Variants in FREM2 observed in about 807,000 individuals in gnomAD.
The protein encoded by FREM2 is FRAS1 related extracellular matrix 2.
FREM2 carries 119 observed loss-of-function variants against 219.9 expected under a neutral mutation model. The observed-to-expected ratio is 0.54, with a 90% CI of 0.47 to 0.63. The LOEUF is 0.63. Ranked by LOEUF, FREM2 falls within the 30% of genes least tolerant of loss-of-function variation. The pLI, the probability that FREM2 is intolerant of heterozygous loss-of-function variation, is 0.00. For missense variants in FREM2, 4,030 were observed against 3,993.6 expected, an observed-to-expected ratio of 1.01 and a Z score of -0.25; for synonymous variants, 1,562 against 1,522.8, an observed-to-expected ratio of 1.03 and a Z score of -0.60.
chr13:38,878,017 T>C, intron 21 of FREM2, 117 bp from the exon 22 acceptor site: 1 of 879,270 alleles, frequency 1.1e-6, no homozygotes. Flanking sequence ...CATTTGATAG[T>C]AGATGAGGGT....
At chr13:38,866,599 G>A (rs532687711) in intron 16 of FREM2, among the ~76,000 whole-genome samples, 6 of 151,408 alleles carry the variant, frequency 4.0e-5, no homozygotes, top group Admixed American at 6.6e-5. Flanking sequence ...ACTGGGAGGC[G>A]GAGGTTGTGG....
intron 7 of FREM2, among the ~76,000 whole-genome samples, chr13:38,847,661 A>G (rs533708354): frequency 6.6e-6 from 1 of 152,258 alleles, no homozygotes; most frequent in African/African-American, 2.4e-5. Context: ...AATCAAAGAC[A>G]GATATACTCA....
rs1380279988 is a variant in FREM2 at position 38,872,754 on chromosome 13, G to C, written c.7996G>C (p.Val2666Leu). Residue 2666 changes from valine (V) to leucine (L), a missense_variant, in exon 17 of 24, where the codon GTG (valine) becomes CTG (leucine). Transcript: ENST00000280481. ...TTTGTTGTTTTAGGTCCTAAACCTA[G>C]TGCAGTCCTATGTGACCCTTCGAGT... is the stretch of plus-strand genomic sequence containing the variant. ...IGTDGQVLNLVQSYVTLRVPL... is the reference protein window; with the variant it reads ...IGTDGQVLNLLQSYVTLRVPL... 5 of 1,613,980 alleles carry C rather than the reference G, an allele frequency of 3.1e-6. No individual in the cohort carries two copies. The highest frequency in any genetic ancestry group is 1.1e-5 in the South Asian group (1 of 91,086).
At chr13:38,850,899 A>G in intron 9 of FREM2, 45 bp from the exon 10 acceptor site, 1 of 1,602,484 alleles carries the variant, frequency 6.2e-7, no homozygotes, top group Non-Finnish European at 8.5e-7. Flanking sequence ...AGTTGTAGAT[A>G]TATTCCTATG....
chr13:38,862,994 TG>T (rs755282846), intron 15 of FREM2, among the ~76,000 whole-genome samples: 1 of 152,202 alleles, frequency 6.6e-6, no homozygotes, highest in Non-Finnish European at 1.5e-5. Flanking sequence ...TGACCCTTTA[TG>T]GAACAAATTT....
chr13:38,688,380 G>A lies in FREM2; in HGVS notation c.1036G>A (p.Glu346Lys), dbSNP rs758040852. The A allele has an allele frequency of 1.9e-6, 3 of 1,614,086 alleles. No homozygotes were observed. Among genetic ancestry groups the A allele is most frequent in the East Asian group, 2.2e-5 (1 of 44,860 alleles). Residue 346 changes from glutamate to lysine, a missense_variant, in exon 1 of 24, where the codon GAG becomes AAG. Glu to Lys is a moderately conservative substitution (Grantham distance 56). This residue lies in a region of FREM2 where 3,102 missense variants were observed against 2,950.7 expected (regional missense o/e 1.05). Transcript: ENST00000280481. ...CCTGACCCCAGACATGCTGGCAGCC[G>A]AGGATGCTGAGTCTCCCTCTGACCT... ...TALTPDMLAA[E>K]DAESPSDLLI...
chr13:38,874,679 C>A, intron 18 of FREM2, 93 bp downstream of exon 18: 1 of 947,862 alleles, frequency 1.1e-6, no homozygotes, highest in Non-Finnish European at 1.7e-6. Flanking sequence ...TCTGTTACCA[C>A]TGAAGCCCTT....
At chr13:38,856,723 A>G (rs1400414888) in intron 12 of FREM2, among the ~76,000 whole-genome samples, 1 of 151,852 alleles carries the variant, frequency 6.6e-6, no homozygotes, top group Admixed American at 6.5e-5. Flanking sequence ...CAGCCTCATG[A>G]TCAAAATGTT....
chr13:38,843,015 G>A (rs1877017883), intron 6 of FREM2, among the ~76,000 whole-genome samples: 1 of 152,200 alleles, frequency 6.6e-6, no homozygotes, highest in South Asian at 2.1e-4. Flanking sequence ...AAGGGATAGA[G>A]TGTAGAGTTT....
intron 9 of FREM2, among the ~76,000 whole-genome samples, chr13:38,850,527 G>C (rs1264924841): frequency 6.6e-6 from 1 of 152,144 alleles, no homozygotes; most frequent in Non-Finnish European, 1.5e-5. Flanking sequence ...ATTAAACTTG[G>C]CTCAATGATT....
At chr13:38,789,612 C>A (rs994970978) in intron 6 of FREM2, among the ~76,000 whole-genome samples, 1 of 150,480 alleles carries the variant, frequency 6.6e-6, no homozygotes, top group African/African-American at 2.4e-5. Context: ...TTTTCTATTT[C>A]ATTAATTTCT....
intron 6 of FREM2, among the ~76,000 whole-genome samples, chr13:38,789,582 G>T (rs1232939019): frequency 6.7e-6 from 1 of 148,350 alleles, no homozygotes; most frequent in Admixed American, 6.7e-5. Flanking sequence ...AGAAATTTTT[G>T]GAAATTTCTA....
chr13:38,848,665 C>T lies in FREM2; in HGVS notation c.6374C>T (p.Ser2125Phe). Residue 2125 changes from serine (S) to phenylalanine (F), a missense_variant, in exon 8 of 24, where the codon TCC becomes TTC. Ser to Phe is a radical substitution (Grantham distance 155, BLOSUM62 -2). Around this residue, in one of 2 missense-constraint regions of FREM2, gnomAD observed 3,102 missense variants for 2,950.7 expected, o/e 1.05. Coordinates refer to ENST00000280481, the MANE Select transcript of FREM2 (RefSeq NM_207361.6). ...ACAGTGTCCATAAATGACTCTGTCTCCGATTGTGAGTGTTTATTAATTTTA... is the reference window on the plus strand; with the variant it reads ...ACAGTGTCCATAAATGACTCTGTCTTCGATTGTGAGTGTTTATTAATTTTA... The part of the protein sequence containing the change: ...KATVSINDSV[S>F]DLPKMQFKER... 2 of 1,611,340 alleles carry T rather than the reference C, an allele frequency of 1.2e-6. No individual in the cohort carries two copies. Among genetic ancestry groups the T allele is most frequent in the Non-Finnish European group, 1.7e-6 (2 of 1,177,712 alleles).
At chr13:38,713,500 C>T (rs1013552843) in intron 2 of FREM2, among the ~76,000 whole-genome samples, 1 of 152,104 alleles carries the variant, frequency 6.6e-6, no homozygotes, top group African/African-American at 2.4e-5. Flanking sequence ...GATTTTCTTG[C>T]TTTATCTACT....
chr13:38,715,604 T>G (rs1419567273), intron 2 of FREM2, among the ~76,000 whole-genome samples: 2 of 142,258 alleles, frequency 1.4e-5, no homozygotes, highest in Non-Finnish European at 3.1e-5. Context: ...CACCAGTTGG[T>G]TTTTTTTTTT....
At chr13:38,761,421 G>A (rs1873219054) in intron 2 of FREM2, among the ~76,000 whole-genome samples, 1 of 152,080 alleles carries the variant, frequency 6.6e-6, no homozygotes, top group Admixed American at 6.6e-5. Context: ...TTAATCAATT[G>A]CATGTTATTC....
rs1188310636 is a variant in FREM2, at chr13:38,864,527, G to T, written c.7904G>T (p.Cys2635Phe). The T allele has an allele frequency of 6.2e-7, 1 of 1,614,210 alleles. No individual in the cohort carries two copies. Among genetic ancestry groups the T allele is most frequent in the Non-Finnish European group, 8.5e-7 (1 of 1,180,038 alleles). The change falls in exon 16 of 24, where the codon TGT becomes TTT. Residue 2635 changes from cysteine (C) to phenylalanine (F), a missense_variant. This residue lies in a region of FREM2 where 928 missense variants were observed against 1,042.9 expected (regional missense o/e 0.89). Transcript: ENST00000280481. The part of the protein sequence containing the change: ...RFYRNLNLEA[C>F]LWEFVSYYDM... ...TACCGGAACCTGAACCTAGAGGCCT[G>T]TTTATGGGAGTTCGTTAGCTACTAT...
chr13:38,696,853 G>A (rs898181881), intron 1 of FREM2, among the ~76,000 whole-genome samples: 1 of 151,062 alleles, frequency 6.6e-6, no homozygotes. Context: ...TCTTGCCCAG[G>A]CTAGAGTGCA....
At chr13:38,693,229 A>G (rs1286916413) in intron 1 of FREM2, among the ~76,000 whole-genome samples, 3 of 152,238 alleles carry the variant, frequency 2.0e-5, no homozygotes, top group Admixed American at 6.5e-5. Flanking sequence ...TAAAATAACA[A>G]TATGTTCATC....
Sources: gnomAD v4.1 joint callset for allele counts (sites outside exome capture counted in the v4.1 genomes callset) on GRCh38, gnomAD v4.1.1 for gene constraint, gnomAD v4.1.1 regional missense constraint, MANE v1.5 for transcripts, NCBI Gene and HGNC (gene_info 2026-07-23, HGNC 2026-07-21) for gene names.